The following CREB5 variants were observed in gnomAD, a reference collection of about 807,000 sequenced individuals.
CREB5 encodes cyclic AMP-responsive element-binding protein 5.
In CREB5, 19 loss-of-function variants were observed where a neutral mutation model predicts 57.1. The observed-to-expected ratio is 0.33, with a 90% CI of 0.23 to 0.49. CREB5 has a LOEUF of 0.49. Among genes scored for constraint, CREB5 ranks in the 20% least tolerant of loss-of-function variants. CREB5 has a pLI of 0.99. For synonymous variants in CREB5, 238 were observed against 238.3 expected, an observed-to-expected ratio of 1.00 and a Z score of 0.01; for missense variants, 579 against 671.6, an observed-to-expected ratio of 0.86 and a Z score of 1.52.
At chr7:28,358,915 TGAG>T in intron 1 of CREB5, among the ~76,000 whole-genome samples, 1 of 152,296 alleles carries the variant, frequency 6.6e-6, no homozygotes, top group Non-Finnish European at 1.5e-5. Flanking sequence ...TTAATAGGGG[TGAG>T]GAGAACCCCT....
chr7:28,347,353 A>T (rs1243929299), intron 1 of CREB5, among the ~76,000 whole-genome samples: 1 of 152,194 alleles, frequency 6.6e-6, no homozygotes. Context: ...TGCACAGCTC[A>T]AAGTGATCTT....
chr7:28,529,056 C>T (rs1323392169), intron 4 of CREB5, among the ~76,000 whole-genome samples: 1 of 152,174 alleles, frequency 6.6e-6, no homozygotes, highest in Admixed American at 6.5e-5. Context: ...GAATGTGATT[C>T]ATGAGGAAAA....
At chr7:28,788,258 C>A (rs1427129208) in intron 7 of CREB5, among the ~76,000 whole-genome samples, 1 of 152,076 alleles carries the variant, frequency 6.6e-6, no homozygotes, top group African/African-American at 2.4e-5. Flanking sequence ...TCCTCCTCCC[C>A]CAAGTTGTGA....
intron 1 of CREB5, among the ~76,000 whole-genome samples, chr7:28,382,290 A>G (rs1426452971): frequency 1.3e-5 from 2 of 152,172 alleles, no homozygotes; most frequent in Admixed American, 6.5e-5. Flanking sequence ...TCACATGCCC[A>G]TCTTTTCCAG....
chr7:28,782,044 A>AT (rs1466557822), intron 7 of CREB5, among the ~76,000 whole-genome samples: 2 of 151,554 alleles, frequency 1.3e-5, no homozygotes, highest in Non-Finnish European at 2.9e-5. Flanking sequence ...GATTACAGGC[A>AT]TGCACCGCCT....
intron 6 of CREB5, 91 bp downstream of exon 6, chr7:28,718,970 T>C: frequency 1.3e-6 from 2 of 1,577,808 alleles, no homozygotes; most frequent in Non-Finnish European, 1.7e-6. Flanking sequence ...AGATCCAAGC[T>C]GATGGGAAAG....
At chr7:28,776,958 T>G (rs1048981133) in intron 7 of CREB5, among the ~76,000 whole-genome samples, 3 of 152,222 alleles carry the variant, frequency 2.0e-5, no homozygotes, top group East Asian at 1.9e-4. Flanking sequence ...TAATGAACAT[T>G]TGGCTTGTTT....
intron 7 of CREB5, among the ~76,000 whole-genome samples, chr7:28,741,537 G>A (rs994181733): frequency 2.0e-5 from 3 of 152,156 alleles, no homozygotes; most frequent in Non-Finnish European, 4.4e-5. Flanking sequence ...TTTATCAGCC[G>A]AGATGTGTTT....
intron 5 of CREB5, among the ~76,000 whole-genome samples, chr7:28,590,870 A>G (rs1373779320): frequency 6.6e-6 from 1 of 152,168 alleles, no homozygotes; most frequent in Non-Finnish European, 1.5e-5. Context: ...GGCATATAGC[A>G]AAAGTCCTCA....
chr7:28,323,432 G>A (rs1442743450), intron 1 of CREB5, among the ~76,000 whole-genome samples: 3 of 152,150 alleles, frequency 2.0e-5, no homozygotes, highest in African/African-American at 7.2e-5. Flanking sequence ...AAAAATAGAA[G>A]CAACTAGGTA....
rs1474799895 is a variant in CREB5, at chr7:28,561,006, G to A, written c.292-9359G>A. Reference sequence around the variant, plus strand: ...CGTGCGTGTGTGTGCCTGCGTGTGCGTGTGTGTGTGCGTGTGTGCGTGTGT... The same window carrying A: ...CGTGCGTGTGTGTGCCTGCGTGTGCATGTGTGTGTGCGTGTGTGCGTGTGT... On this transcript the variant is annotated intron_variant, in intron 4 of 10. Transcript: ENST00000357727. Among the ~76,000 whole-genome samples, 2 of 65,158 alleles carry A rather than the reference G, an allele frequency of 3.1e-5. 1 individual carries two copies. The highest frequency in any genetic ancestry group is 5.3e-5 in the Non-Finnish European group (2 of 37,768). 42.7% of individuals were successfully genotyped at this position (65,158 alleles called of 152,430 possible). A position where few individuals can be genotyped will look rare whatever the true frequency, so the allele number is the denominator to read the frequency against.
chr7:28,579,456 C>A (rs1289568251), intron 5 of CREB5, among the ~76,000 whole-genome samples: 1 of 152,018 alleles, frequency 6.6e-6, no homozygotes, highest in South Asian at 2.1e-4. Context: ...AGTTTTCCCC[C>A]CTTTGGCAAA....
rs375065783 is a variant in CREB5 at position 28,477,508 on chromosome 7, T to C, written c.4-10667T>C. On this transcript the variant is annotated intron_variant, in intron 1 of 10. Coordinates refer to ENST00000357727, the MANE Select transcript of CREB5 (RefSeq NM_182898.4). ...GCATTTAAAGAAATCCTCTTTCCCT[T>C]TTCATACTGATTTGAAGTGTGGATT... Among the ~76,000 whole-genome samples, 25 of 152,352 alleles carry C rather than the reference T, an allele frequency of 1.6e-4. No homozygotes were observed. The East Asian group carries it at 4.0e-3, about 25-fold the overall frequency.
At chr7:28,455,489 C>T (rs6462087) in intron 1 of CREB5, among the ~76,000 whole-genome samples, 5 of 152,076 alleles carry the variant, frequency 3.3e-5, no homozygotes, top group Non-Finnish European at 4.4e-5. Flanking sequence ...ACTAGCTATT[C>T]GAACAAAAAT....
At chr7:28,384,105 T>C (rs1329593965) in intron 1 of CREB5, among the ~76,000 whole-genome samples, 4 of 152,134 alleles carry the variant, frequency 2.6e-5, no homozygotes, top group Non-Finnish European at 4.4e-5. Context: ...TGAGTGCTTA[T>C]TAGATCGGAT....
At chr7:28,799,684 C>T (rs988468818) in intron 7 of CREB5, among the ~76,000 whole-genome samples, 2 of 152,168 alleles carry the variant, frequency 1.3e-5, no homozygotes, top group African/African-American at 2.4e-5. Flanking sequence ...TTCCTTGCCA[C>T]GTTTTCAAGG....
intron 5 of CREB5, among the ~76,000 whole-genome samples, chr7:28,601,415 C>CTCTA (rs774108328): frequency 9.2e-5 from 14 of 152,104 alleles, no homozygotes; most frequent in Non-Finnish European, 1.9e-4. Context: ...AGGGCATGAG[C>CTCTA]TCTAGAAGCA....
intron 5 of CREB5, among the ~76,000 whole-genome samples, chr7:28,628,003 C>T (rs372584077): frequency 2.0e-5 from 3 of 152,154 alleles, no homozygotes; most frequent in African/African-American, 7.2e-5. Context: ...TCCTGATCTA[C>T]CCACTATCAC....
chr7:28,599,098 C>T (rs2128668772), intron 5 of CREB5, among the ~76,000 whole-genome samples: 1 of 152,266 alleles, frequency 6.6e-6, no homozygotes, highest in Admixed American at 6.5e-5. Flanking sequence ...ATTAAAAACA[C>T]TCCCTTTTCT....
Sources: gnomAD v4.1 joint callset for allele counts (sites outside exome capture counted in the v4.1 genomes callset) on GRCh38, gnomAD v4.1.1 for gene constraint, MANE v1.5 for transcripts, NCBI Gene and HGNC (gene_info 2026-07-23, HGNC 2026-07-21) for gene names.